SLC25A16: variants seen among roughly 807,000 people sequenced by gnomAD.
SLC25A16 encodes mitochondrial coenzyme A transporter SLC25A16.
Under a neutral mutation model 41.5 loss-of-function variants are expected in SLC25A16, and 39 were observed. The observed-to-expected ratio is 0.94, with a 90% CI of 0.73 to 1.23. The LOEUF is 1.23. Ranked by LOEUF, SLC25A16 falls within the 50% of genes most tolerant of loss-of-function variation. SLC25A16 has a pLI of 0.00. For missense variants in SLC25A16, 421 were observed against 426.9 expected, an observed-to-expected ratio of 0.99 and a Z score of 0.12; for synonymous variants, 146 against 147.8, an observed-to-expected ratio of 0.99 and a Z score of 0.09.
At chr10:68,488,057 T>C (rs2052593841) in intron 7 of SLC25A16, among the ~76,000 whole-genome samples, 1 of 152,146 alleles carries the variant, frequency 6.6e-6, no homozygotes, top group African/African-American at 2.4e-5. Flanking sequence ...TTCACCATGT[T>C]GGCCAGATGG....
intron 2 of SLC25A16, among the ~76,000 whole-genome samples, chr10:68,510,377 CAA>C (rs768260993): frequency 1.4e-4 from 16 of 117,898 alleles, no homozygotes; most frequent in Admixed American, 4.4e-4. Flanking sequence ...ACTAAAAATA[CAA>C]AAAAAAAAAA....
At chr10:68,499,963 G>C (rs1351510416) in intron 4 of SLC25A16, 8 of 519,404 alleles carry the variant, frequency 1.5e-5, no homozygotes, top group Non-Finnish European at 2.9e-5. Flanking sequence ...GAAGAGGCAG[G>C]AATAAAGTAA....
chr10:68,479,142 T>C lies in SLC25A16; in HGVS notation c.*4290A>G, dbSNP rs951113162. 3 of 152,178 alleles carry C rather than the reference T, an allele frequency of 2.0e-5. No homozygotes were observed. Among genetic ancestry groups the C allele is most frequent in the African/African-American group, 7.2e-5 (3 of 41,438 alleles). The allele number at this position is 152,178 out of a possible 1,614,324, so 9.4% of individuals were successfully genotyped here. ...CAAACCAAATGACTTTATTCCTAAA[T>C]TGTTTATTTCTTGAACTATTTGTGC... On this transcript the variant is annotated 3_prime_UTR_variant, in exon 9 of 9. Coordinates refer to ENST00000609923, the MANE Select transcript of SLC25A16 (RefSeq NM_152707.4).
chr10:68,483,702 T>C lies in SLC25A16; in HGVS notation c.843-114A>G, dbSNP rs1329440088. The C allele has an allele frequency of 4.9e-6, 4 of 808,488 alleles. No individual in the cohort carries two copies. The East Asian group carries it at 1.1e-4, about 22-fold the overall frequency. 50.1% of individuals were successfully genotyped at this position (808,488 alleles called of 1,614,324 possible). A position where few individuals can be genotyped will look rare whatever the true frequency, so the allele number is the denominator to read the frequency against. ...ATGGACTCTTGCTCTGTCACCCAGA[T>C]GGGAGTGTGGATTGCAGTGGCATGA... On this transcript the variant is annotated intron_variant, in intron 8 of 8. Transcript: ENST00000609923.
At chr10:68,486,956 CAAAAAAAA>C (rs374368406) in intron 8 of SLC25A16, 180 bp downstream of exon 8, 93 of 103,108 alleles carry the variant, frequency 9.0e-4, no homozygotes, top group African/African-American at 1.6e-3. Flanking sequence ...GACTGCATCT[CAAAAAAAA>C]AAAAAAAAAA....
chr10:68,515,039 A>AT (rs1309367810), intron 2 of SLC25A16, among the ~76,000 whole-genome samples: 2 of 149,514 alleles, frequency 1.3e-5, no homozygotes, highest in Non-Finnish European at 3.0e-5. Context: ...CACCTGGCCT[A>AT]AAGTCTTGAT....
At chr10:68,484,080 C>T (rs1475282206) in intron 8 of SLC25A16, among the ~76,000 whole-genome samples, 2 of 152,170 alleles carry the variant, frequency 1.3e-5, no homozygotes, top group African/African-American at 4.8e-5. Flanking sequence ...TAAACAAGTA[C>T]AAGCATTATG....
chr10:68,507,070 C>CTT (rs71019019), intron 2 of SLC25A16, among the ~76,000 whole-genome samples: 10,766 of 115,388 alleles, frequency 0.093, 721 homozygotes, highest in South Asian at 0.2. Flanking sequence ...ATGACCTACT[C>CTT]TTTTTTTTTT....
intron 8 of SLC25A16, 58 bp downstream of exon 8, chr10:68,487,082 CCTTA>C: frequency 2.3e-6 from 3 of 1,297,828 alleles, no homozygotes. Flanking sequence ...AGTCCTATCT[CCTTA>C]CTGAGTTTAA....
Position 68,483,257 on chromosome 10 carries a change from G to C in SLC25A16, c.*175C>G, listed in dbSNP as rs1467156659. The C allele has an allele frequency of 1.4e-5, 7 of 514,190 alleles. No individual in the cohort carries two copies. The highest frequency in any genetic ancestry group is 2.4e-5 in the Non-Finnish European group (7 of 292,152). 31.9% of individuals were successfully genotyped at this position (514,190 alleles called of 1,614,324 possible). On this transcript the variant is annotated 3_prime_UTR_variant, in exon 9 of 9. Coordinates refer to ENST00000609923, the MANE Select transcript of SLC25A16 (RefSeq NM_152707.4). ...AAGGTATAATGTTTGGCATCAAAAA[G>C]TATGGTAAGCAGTTCTGATTTGTGA...
intron 1 of SLC25A16, among the ~76,000 whole-genome samples, chr10:68,525,960 T>A (rs947792621): frequency 6.6e-6 from 1 of 151,802 alleles, no homozygotes; most frequent in Non-Finnish European, 1.5e-5. Flanking sequence ...ACACAAAAAC[T>A]GCGGAAGGCC....
chr10:68,498,045 T>C (rs1347493935), intron 4 of SLC25A16, among the ~76,000 whole-genome samples: 2 of 152,100 alleles, frequency 1.3e-5, no homozygotes, highest in Non-Finnish European at 2.9e-5. Context: ...TTGTGCAGGA[T>C]TCTCACACAG....
At chr10:68,513,403 T>C (rs541891206) in intron 2 of SLC25A16, among the ~76,000 whole-genome samples, 250 of 102,060 alleles carry the variant, frequency 2.4e-3, no homozygotes, top group Non-Finnish European at 3.7e-3. Flanking sequence ...AGCAAGACCA[T>C]CTCAAAAAAA....
At chr10:68,497,684 T>C (rs1469761958) in intron 4 of SLC25A16, among the ~76,000 whole-genome samples, 1 of 151,398 alleles carries the variant, frequency 6.6e-6, no homozygotes, top group Non-Finnish European at 1.5e-5. Flanking sequence ...TGATGTGATC[T>C]CAGCTCATTG....
chr10:68,485,948 C>A (rs1377875712), intron 8 of SLC25A16, among the ~76,000 whole-genome samples: 1 of 151,346 alleles, frequency 6.6e-6, no homozygotes, highest in South Asian at 2.1e-4. Context: ...CAGGTGCCTG[C>A]CACCACACCC....
intron 1 of SLC25A16, among the ~76,000 whole-genome samples, chr10:68,519,380 G>A (rs753923775): frequency 6.6e-6 from 1 of 151,618 alleles, no homozygotes; most frequent in African/African-American, 2.4e-5. Flanking sequence ...CCAGCTACTC[G>A]GGAGGCTGAG....
chr10:68,514,552 C>T (rs1012118795), intron 2 of SLC25A16, among the ~76,000 whole-genome samples: 5 of 152,170 alleles, frequency 3.3e-5, no homozygotes, highest in African/African-American at 1.2e-4. Context: ...GACCACATTT[C>T]TGTTTACTTC....
In SLC25A16 at chr10:68,488,465, A is replaced by G. The variant is rs748472391; in HGVS notation, c.773+2T>C. On this transcript the variant is annotated splice_donor_variant, in intron 7 of 8. Coordinates refer to ENST00000609923, the MANE Select transcript of SLC25A16 (RefSeq NM_152707.4). LOFTEE classifies it high-confidence loss of function. ...TTAAATTAAGTTAGTGAAGAAACTT[A>G]CGATATTGTCTGCGCTATTGCTCCA... is the stretch of plus-strand genomic sequence containing the variant. 1.6e-5 allele frequency: 24 copies of G among 1,498,014 alleles called. No individual in the cohort carries two copies. The highest frequency in any genetic ancestry group is 1.0e-4 in the Admixed American group (4 of 39,198). The allele number at this position is 1,498,014 out of a possible 1,614,324, so 92.8% of individuals were successfully genotyped here. A position where few individuals can be genotyped will look rare whatever the true frequency, so the allele number is the denominator to read the frequency against.
chr10:68,514,957 C>G (rs1439443636), intron 2 of SLC25A16, among the ~76,000 whole-genome samples: 1 of 151,546 alleles, frequency 6.6e-6, no homozygotes, highest in Non-Finnish European at 1.5e-5. Flanking sequence ...AAGCTGATCT[C>G]GAACTCCTGA....
Sources: allele counts gnomAD v4.1 joint callset (sites outside exome capture counted in the v4.1 genomes callset), GRCh38; gene constraint gnomAD v4.1.1; transcripts MANE v1.5; gene names NCBI Gene and HGNC (gene_info 2026-07-23, HGNC 2026-07-21).